Variants in ANKRD13C observed in about 807,000 individuals in gnomAD.
The protein encoded by ANKRD13C is ankyrin repeat domain 13C.
ANKRD13C carries 16 observed loss-of-function variants against 65.5 expected under a neutral mutation model. That is an observed-to-expected ratio of 0.24 (90% confidence interval 0.17 to 0.37). The LOEUF is 0.37. ANKRD13C is among the 10% of genes least tolerant of loss of function. The probability of loss-of-function intolerance (pLI) is 1.00; values close to 1 mark genes in which losing one functional copy is unlikely to be tolerated. For missense variants in ANKRD13C, 503 were observed against 655.9 expected (o/e 0.77, Z 2.55); for synonymous variants, 235 against 238.7 (o/e 0.98, Z 0.14).
chr1:70,341,625 G>A (rs925842977), intron 1 of ANKRD13C, among the ~76,000 whole-genome samples: 2 of 152,100 alleles, frequency 1.3e-5, no homozygotes, highest in East Asian at 3.9e-4. Flanking sequence ...CTCCCAAAGT[G>A]ATGGGATTAC....
chr1:70,324,976 A>G lies in ANKRD13C; in HGVS notation c.473-19T>C. The G allele has an allele frequency of 6.4e-7, 1 of 1,552,296 alleles. No homozygotes were observed. The highest frequency in any genetic ancestry group is 1.2e-5 in the South Asian group (1 of 83,526). On this transcript the variant is annotated intron_variant, in intron 2 of 12. Transcript: ENST00000370944. ...GCACATTCTGCAATATAAAGTAGTA[A>G]TAATATCAAACATCATGCAATTTTT...
rs1682893504 is a variant in ANKRD13C, at chr1:70,354,235, G to C, written c.174C>G (p.His58Gln). The C allele has an allele frequency of 6.2e-7, 1 of 1,613,494 alleles. No homozygotes were observed. The highest frequency in any genetic ancestry group is 8.5e-7 in the Non-Finnish European group (1 of 1,180,040). The change falls in exon 1 of 13, where the codon CAC (histidine) becomes CAG (glutamine). Residue 58 changes from histidine to glutamine, a missense_variant. His to Gln is a conservative substitution (Grantham distance 24). This residue lies in a region of ANKRD13C where 203 missense variants were observed against 177.6 expected (regional missense o/e 1.14). Coordinates refer to ENST00000370944, the MANE Select transcript of ANKRD13C (RefSeq NM_030816.5). ...KACHKIFSNH[H>Q]HRLQLKAAPA... ...GAGCTGCCTTCAGCTGTAGCCGGTG[G>C]TGATGGTTACTGAAGATCTTATGAC...
At chr1:70,299,539 C>T (rs1236031790) in intron 7 of ANKRD13C, among the ~76,000 whole-genome samples, 1 of 152,076 alleles carries the variant, frequency 6.6e-6, no homozygotes, top group Non-Finnish European at 1.5e-5. Flanking sequence ...GTTTAAATTA[C>T]AGTAGTGACA....
chr1:70,302,406 A>G (rs945781420), intron 6 of ANKRD13C, among the ~76,000 whole-genome samples: 1 of 152,116 alleles, frequency 6.6e-6, no homozygotes, highest in Admixed American at 6.5e-5. Flanking sequence ...AATAACACCT[A>G]TCATTGCTTG....
At chr1:70,333,336 C>T (rs1490074330) in intron 2 of ANKRD13C, among the ~76,000 whole-genome samples, 9 of 151,592 alleles carry the variant, frequency 5.9e-5, no homozygotes, top group Non-Finnish European at 1.2e-4. Flanking sequence ...AAAAAAAAAG[C>T]GCAAGTTTTT....
chr1:70,350,580 A>G (rs1367655365), intron 1 of ANKRD13C, among the ~76,000 whole-genome samples: 1 of 152,238 alleles, frequency 6.6e-6, no homozygotes, highest in Non-Finnish European at 1.5e-5. Context: ...TGAGCTGTCC[A>G]ATGGTAGAAT....
At chr1:70,317,928 T>C (rs1040161502) in intron 3 of ANKRD13C, among the ~76,000 whole-genome samples, 2 of 152,216 alleles carry the variant, frequency 1.3e-5, no homozygotes, top group Non-Finnish European at 2.9e-5. Context: ...TAATTGTAAC[T>C]GACTGAAGGC....
chr1:70,297,287 A>ATTTTTT (rs748635051), intron 7 of ANKRD13C, among the ~76,000 whole-genome samples: 6 of 98,804 alleles, frequency 6.1e-5, no homozygotes, highest in Non-Finnish European at 8.1e-5. Context: ...TCCCTTTCTG[A>ATTTTTT]TTTTTTTTTT....
At position 70,261,164 on chromosome 1, in the gene ANKRD13C, T is replaced by C. The variant is rs1432516516; in HGVS notation, c.*1553A>G. 1 of 152,142 alleles carries C rather than the reference T, an allele frequency of 6.6e-6. No individual in the cohort carries two copies. Among genetic ancestry groups the C allele is most frequent in the Non-Finnish European group, 1.5e-5 (1 of 67,970 alleles). The allele number at this position is 152,142 out of a possible 1,614,324, so 9.4% of individuals were successfully genotyped here. ...GTAATTAGGTCTTTCAATTTTTTAC[T>C]ATGATTATTTTTCTTCATTATAAAA... On this transcript the variant is annotated 3_prime_UTR_variant, in exon 13 of 13. Coordinates refer to ENST00000370944, the MANE Select transcript of ANKRD13C (RefSeq NM_030816.5).
At chr1:70,351,858 CTAAATAAGAAGCACATTAAAT>C in intron 1 of ANKRD13C, among the ~76,000 whole-genome samples, 1 of 152,056 alleles carries the variant, frequency 6.6e-6, no homozygotes, top group Non-Finnish European at 1.5e-5. Flanking sequence ...GAAAAAATGA[CTAAATAAGAAGCACATTAAAT>C]TGAAGCCACA....
chr1:70,346,246 T>C (rs566685811), intron 1 of ANKRD13C, among the ~76,000 whole-genome samples: 1 of 152,244 alleles, frequency 6.6e-6, no homozygotes, highest in South Asian at 2.1e-4. Context: ...TACTCAAGAT[T>C]AGGATGTAAT....
Position 70,334,661 on chromosome 1 carries a change from A to G in ANKRD13C, c.472+1397T>C, listed in dbSNP as rs549037122. On this transcript the variant is annotated intron_variant, in intron 2 of 12. Coordinates refer to ENST00000370944, the MANE Select transcript of ANKRD13C (RefSeq NM_030816.5). ...AAATAAAGGCCAGGCACGGTGGCTCATGCCTGTAATCCCAGCACTTTGTGA... is the reference window on the plus strand; with the variant it reads ...AAATAAAGGCCAGGCACGGTGGCTCGTGCCTGTAATCCCAGCACTTTGTGA... Among the ~76,000 whole-genome samples the G allele has an allele frequency of 1.2e-4, 19 of 152,254 alleles. No homozygotes were observed. In the South Asian group the frequency reaches 3.9e-3, roughly 32 times the overall value.
chr1:70,303,351 A>C (rs1379782287), intron 6 of ANKRD13C, among the ~76,000 whole-genome samples: 1 of 152,216 alleles, frequency 6.6e-6, no homozygotes, highest in East Asian at 1.9e-4. Context: ...AGCCATGAAG[A>C]ACAATAAGTT....
intron 7 of ANKRD13C, among the ~76,000 whole-genome samples, chr1:70,297,091 A>C (rs1680111218): frequency 6.6e-6 from 1 of 152,066 alleles, no homozygotes; most frequent in Non-Finnish European, 1.5e-5. Flanking sequence ...CAAGAAAGAT[A>C]CCCTAACTAA....
chr1:70,350,976 C>T (rs1682720396), intron 1 of ANKRD13C, among the ~76,000 whole-genome samples: 1 of 152,132 alleles, frequency 6.6e-6, no homozygotes, highest in South Asian at 2.1e-4. Context: ...GCCTGGACAA[C>T]ACGGTGAAAC....
At chr1:70,346,821 G>C (rs1435179385) in intron 1 of ANKRD13C, among the ~76,000 whole-genome samples, 1 of 152,166 alleles carries the variant, frequency 6.6e-6, no homozygotes, top group African/African-American at 2.4e-5. Flanking sequence ...GGCGGGCGCG[G>C]TGGCTCACGC....
At chr1:70,276,110 T>A (rs1033969643) in intron 10 of ANKRD13C, among the ~76,000 whole-genome samples, 2 of 152,092 alleles carry the variant, frequency 1.3e-5, no homozygotes, top group Non-Finnish European at 2.9e-5. Context: ...TATTTTATTC[T>A]CCACCAAAAG....
Position 70,303,262 on chromosome 1 carries a change from C to T in ANKRD13C, c.777-2354G>A, listed in dbSNP as rs575222015. Among the ~76,000 whole-genome samples the T allele has an allele frequency of 1.3e-3, 196 of 152,252 alleles. No individual in the cohort carries two copies. The Middle Eastern group carries it at 0.024, about 18-fold the overall frequency. On this transcript the variant is annotated intron_variant, in intron 6 of 12. Transcript: ENST00000370944. ...CCTCAGTAAATAATGTTAATTATCA[C>T]GATAACATTTTAAAGTCCTCACTAG...
chr1:70,262,532 G>A lies in ANKRD13C; in HGVS notation c.*185C>T. The A allele has an allele frequency of 2.1e-6, 1 of 481,982 alleles. No homozygotes were observed. Among genetic ancestry groups the A allele is most frequent in the Non-Finnish European group, 3.5e-6 (1 of 289,586 alleles). 29.9% of individuals were successfully genotyped at this position (481,982 alleles called of 1,614,324 possible). On this transcript the variant is annotated 3_prime_UTR_variant, in exon 13 of 13. Transcript: ENST00000370944. ...TATATTTTTAAAAAGACAAAAAATGGCACATCAGAAAACTCGCTGAAATTC... is the reference window on the plus strand; with the variant it reads ...TATATTTTTAAAAAGACAAAAAATGACACATCAGAAAACTCGCTGAAATTC...
Sources: allele counts gnomAD v4.1 joint callset (sites outside exome capture counted in the v4.1 genomes callset), GRCh38; gene constraint gnomAD v4.1.1; regional missense constraint gnomAD v4.1.1; transcripts MANE v1.5; gene names NCBI Gene and HGNC (gene_info 2026-07-23, HGNC 2026-07-21).